SPEF2: variants seen among roughly 807,000 people sequenced by gnomAD.
SPEF2 encodes the protein sperm flagellar and cilia associated 2.
In SPEF2, 187 loss-of-function variants were observed where a neutral mutation model predicts 224.6. The observed-to-expected ratio is 0.83, with a 90% CI of 0.74 to 0.94. The LOEUF is 0.94. Ranked by LOEUF, SPEF2 falls within the 40% of genes least tolerant of loss-of-function variation. SPEF2 has a pLI of 0.00. For missense variants in SPEF2, 2,170 were observed against 2,135.6 expected (o/e 1.02, Z -0.32); for synonymous variants, 715 against 707.3 (o/e 1.01, Z -0.17).
At chr5:35,788,921 C>A (rs779468576) in intron 30 of SPEF2, 3 of 702,906 alleles carry the variant, frequency 4.3e-6, no homozygotes, top group East Asian at 5.4e-5. Context: ...CCTTCACCTT[C>A]GACCTGTGAT....
chr5:35,728,584 T>C (rs978846488), intron 21 of SPEF2, among the ~76,000 whole-genome samples: 2 of 152,170 alleles, frequency 1.3e-5, no homozygotes, highest in Non-Finnish European at 2.9e-5. Flanking sequence ...AATGCAACAA[T>C]TGTGGTGTTG....
chr5:35,667,511 T>C (rs1561164110), intron 9 of SPEF2, among the ~76,000 whole-genome samples: 2 of 152,022 alleles, frequency 1.3e-5, no homozygotes, highest in African/African-American at 4.8e-5. Flanking sequence ...ATGTAACTCA[T>C]AGCACTATAA....
chr5:35,775,530 T>G (rs1753490928), intron 28 of SPEF2, among the ~76,000 whole-genome samples: 2 of 151,978 alleles, frequency 1.3e-5, no homozygotes, highest in South Asian at 4.2e-4. Context: ...CCATGGAGGG[T>G]TATCTAGGCA....
intron 10 of SPEF2, among the ~76,000 whole-genome samples, chr5:35,690,739 G>A (rs1754330628): frequency 6.6e-6 from 1 of 152,102 alleles, no homozygotes; most frequent in Non-Finnish European, 1.5e-5. Context: ...GCTTACTGGT[G>A]ATAACATCAA....
At chr5:35,650,915 C>G (rs1748104310) in intron 6 of SPEF2, among the ~76,000 whole-genome samples, 1 of 150,662 alleles carries the variant, frequency 6.6e-6, no homozygotes, top group Admixed American at 6.6e-5. Flanking sequence ...GGTAAGCAGC[C>G]CATAGTGTAT....
chr5:35,653,591 A>G (rs1236929175), intron 6 of SPEF2, among the ~76,000 whole-genome samples: 1 of 152,174 alleles, frequency 6.6e-6, no homozygotes, highest in Non-Finnish European at 1.5e-5. Context: ...GGGAGGTCAG[A>G]GGCCCAGAGC....
At chr5:35,681,477 G>A (rs942009692) in intron 10 of SPEF2, among the ~76,000 whole-genome samples, 1 of 152,078 alleles carries the variant, frequency 6.6e-6, no homozygotes, top group Non-Finnish European at 1.5e-5. Context: ...ACCCAAGATG[G>A]TAATTATAGA....
intron 21 of SPEF2, among the ~76,000 whole-genome samples, chr5:35,739,638 C>T (rs572919489): frequency 6.6e-6 from 1 of 152,262 alleles, no homozygotes; most frequent in Admixed American, 6.5e-5. Flanking sequence ...ACCTTGGCCT[C>T]CCAAAGTGCT....
intron 18 of SPEF2, among the ~76,000 whole-genome samples, chr5:35,706,369 A>T (rs1225635084): frequency 6.6e-6 from 1 of 151,954 alleles, no homozygotes; most frequent in Non-Finnish European, 1.5e-5. Context: ...TCTTACCCAC[A>T]TAAAACTGCA....
At chr5:35,686,676 T>C (rs1359318308) in intron 10 of SPEF2, among the ~76,000 whole-genome samples, 2 of 152,132 alleles carry the variant, frequency 1.3e-5, no homozygotes, top group Non-Finnish European at 2.9e-5. Flanking sequence ...AGGCAAAATA[T>C]GGTACATCAT....
In SPEF2 at chr5:35,800,075, C is replaced by T. The variant is rs1024169685; in HGVS notation, c.4938C>T (p.Tyr1646=). ...ACHPDTVEGV[Y]RALSVAVGTH... ...ACCCAGACACCGTGGAAGGAGTCTA[C>T]AGGGCCCTCAGTGTGGCTGTTGGAA... The change falls in exon 34 of 37, where the codon TAC becomes TAT. Residue 1646 remains tyrosine (Y), a synonymous_variant. Transcript: ENST00000356031. 5.6e-6 allele frequency: 9 copies of T among 1,614,026 alleles called. No individual in the cohort carries two copies. The South Asian group carries it at 9.9e-5, about 18-fold the overall frequency.
chr5:35,773,857 T>A, intron 27 of SPEF2, 36 bp from the exon 28 acceptor site: 1 of 1,595,622 alleles, frequency 6.3e-7, no homozygotes, highest in South Asian at 1.1e-5. Flanking sequence ...CTTTGTATTT[T>A]GTTAGTTTAC....
At chr5:35,779,397 C>A in intron 30 of SPEF2, 51 bp downstream of exon 30, 1 of 1,415,766 alleles carries the variant, frequency 7.1e-7, no homozygotes, top group South Asian at 1.3e-5. Context: ...TTAAGATTAA[C>A]CAGGACAGAA....
chr5:35,700,341 C>T, intron 15 of SPEF2, 155 bp from the exon 16 acceptor site: 1 of 680,544 alleles, frequency 1.5e-6, no homozygotes, highest in Non-Finnish European at 2.4e-6. Context: ...GTGATTGTGG[C>T]ACATCAGTAA....
At chr5:35,684,460 A>G (rs567931869) in intron 10 of SPEF2, among the ~76,000 whole-genome samples, 1 of 152,244 alleles carries the variant, frequency 6.6e-6, no homozygotes, top group South Asian at 2.1e-4. Flanking sequence ...ATCCTATTCC[A>G]TTGTGTTTGG....
chr5:35,648,106 G>T (rs538139952), intron 5 of SPEF2, among the ~76,000 whole-genome samples: 1 of 152,042 alleles, frequency 6.6e-6, no homozygotes, highest in Admixed American at 6.6e-5. Context: ...CTCTAAGTAG[G>T]GTATTATTTT....
At chr5:35,788,294 A>C (rs982851378) in intron 30 of SPEF2, 2 of 702,886 alleles carry the variant, frequency 2.8e-6, no homozygotes, top group Non-Finnish European at 5.2e-6. Context: ...ACGTCCCCTC[A>C]AAGATTTTAT....
intron 30 of SPEF2, chr5:35,789,934 A>G (rs1375990885): frequency 1.4e-6 from 1 of 702,690 alleles, no homozygotes; most frequent in East Asian, 2.7e-5. Context: ...GGTAAGCAAG[A>G]AAGCAAGCTG....
Position 35,708,491 on chromosome 5 carries a change from G to A in SPEF2, c.2666-457G>A, listed in dbSNP as rs182150509. Reference sequence around the variant, plus strand: ...CTTGCTAACCCCTTATACCTGCTCCGTACACACAAATACACATATATTCCT... The same window carrying A: ...CTTGCTAACCCCTTATACCTGCTCCATACACACAAATACACATATATTCCT... On this transcript the variant is annotated intron_variant, in intron 18 of 36. Coordinates refer to ENST00000356031, the MANE Select transcript of SPEF2 (RefSeq NM_024867.4). 2.8e-3 allele frequency among the ~76,000 whole-genome samples: 255 copies of A among 91,312 alleles called. 1 individual carries two copies. The highest frequency in any genetic ancestry group is 4.7e-3 in the Non-Finnish European group (206 of 44,286). 59.9% of individuals were successfully genotyped at this position (91,312 alleles called of 152,430 possible).
Sources: allele counts gnomAD v4.1 joint callset (sites outside exome capture counted in the v4.1 genomes callset), GRCh38; gene constraint gnomAD v4.1.1; transcripts MANE v1.5; gene names NCBI Gene and HGNC (gene_info 2026-07-23, HGNC 2026-07-21).